CEACAM5: variants seen among roughly 807,000 people sequenced by gnomAD.
The protein encoded by CEACAM5 is cell adhesion molecule CEACAM5.
CEACAM5 carries 52 observed loss-of-function variants against 63.0 expected under a neutral mutation model. The observed-to-expected ratio is 0.83, with a 90% CI of 0.66 to 1.04. The LOEUF (loss-of-function observed/expected upper bound fraction) is 1.04. CEACAM5 is among the 50% of genes least tolerant of loss of function. The probability of loss-of-function intolerance (pLI) is 0.00; values close to 1 mark genes in which losing one functional copy is unlikely to be tolerated. For missense variants in CEACAM5, 790 were observed against 864.8 expected, an observed-to-expected ratio of 0.91 and a Z score of 1.08; for synonymous variants, 357 against 351.3, an observed-to-expected ratio of 1.02 and a Z score of -0.18.
intron 2 of CEACAM5, among the ~76,000 whole-genome samples, chr19:41,711,101 G>T (rs1181727075): frequency 6.6e-6 from 1 of 152,150 alleles, no homozygotes; most frequent in East Asian, 1.9e-4. Flanking sequence ...CCAGTCATGG[G>T]CTTGCGTTCT....
intron 2 of CEACAM5, among the ~76,000 whole-genome samples, chr19:41,711,128 A>G (rs534356784): frequency 5.1e-4 from 77 of 152,214 alleles, no homozygotes; most frequent in African/African-American, 1.8e-3. Flanking sequence ...TTGGGCATCC[A>G]CAGCTCAGAA....
chr19:41,720,653 C>T (rs1555816005), intron 7 of CEACAM5, among the ~76,000 whole-genome samples: 3 of 152,024 alleles, frequency 2.0e-5, no homozygotes, highest in African/African-American at 4.8e-5. Flanking sequence ...ATTACACACA[C>T]GTGCCGCCAT....
At chr19:41,716,600 T>C (rs1429071578) in intron 4 of CEACAM5, among the ~76,000 whole-genome samples, 9 of 152,124 alleles carry the variant, frequency 5.9e-5, no homozygotes, top group Non-Finnish European at 1.2e-4. Flanking sequence ...TGTCACCAGC[T>C]ATATGAGGCT....
At position 41,717,182 on chromosome 19, in the gene CEACAM5, G is replaced by A. The variant is rs140842559; in HGVS notation, c.959-273G>A. ...GAAAGGACCAGAAGTGCTGGGGGCT[G>A]TGACCCCCAGCCCTGTGTCTGTCCA... On this transcript the variant is annotated intron_variant, in intron 4 of 9. Coordinates refer to ENST00000221992, the MANE Select transcript of CEACAM5 (RefSeq NM_004363.6). Among the ~76,000 whole-genome samples, 397 of 152,344 alleles carry A rather than the reference G, an allele frequency of 2.6e-3. 2 individuals are homozygous for A. The highest frequency in any genetic ancestry group is 9.2e-3 in the African/African-American group (381 of 41,578).
At chr19:41,711,871 T>A (rs993665718) in intron 2 of CEACAM5, among the ~76,000 whole-genome samples, 5 of 152,150 alleles carry the variant, frequency 3.3e-5, no homozygotes, top group Non-Finnish European at 5.9e-5. Context: ...CACTGTGTCC[T>A]GGCCCACTTC....
intron 2 of CEACAM5, among the ~76,000 whole-genome samples, chr19:41,714,252 C>T (rs1177406228): frequency 1.3e-5 from 2 of 152,164 alleles, no homozygotes; most frequent in African/African-American, 4.8e-5. Context: ...ACATATGGTT[C>T]TGCTGTTAAA....
At chr19:41,713,027 C>T (rs1448262593) in intron 2 of CEACAM5, among the ~76,000 whole-genome samples, 1 of 152,208 alleles carries the variant, frequency 6.6e-6, no homozygotes, top group Non-Finnish European at 1.5e-5. Context: ...TCACTGAAGG[C>T]CGGGCACGGT....
intron 3 of CEACAM5, 158 bp downstream of exon 3, chr19:41,715,407 C>A: frequency 1.6e-6 from 2 of 1,264,306 alleles, no homozygotes; most frequent in East Asian, 2.4e-5. Context: ...CCTGGGCAGA[C>A]CAAGTCTTGA....
chr19:41,715,349 C>T (rs1555814774), intron 3 of CEACAM5, 100 bp downstream of exon 3: 2 of 1,521,572 alleles, frequency 1.3e-6, no homozygotes, highest in Admixed American at 1.7e-5. Context: ...TACACAGACC[C>T]TCAACCCTGG....
In CEACAM5 at chr19:41,718,107, G is replaced by C. The variant is rs2072556901; in HGVS notation, c.1238-21G>C. On this transcript the variant is annotated intron_variant, in intron 5 of 9. Transcript: ENST00000221992. Reference sequence around the variant, plus strand: ...TTTGCTCTGATGACATTCACCTGTGGCCCTATTCTCTTTGCTCCAGATGGC... The same window carrying C: ...TTTGCTCTGATGACATTCACCTGTGCCCCTATTCTCTTTGCTCCAGATGGC... 3.1e-6 allele frequency: 5 copies of C among 1,613,548 alleles called. No individual in the cohort carries two copies. In the East Asian group the frequency reaches 1.1e-4, roughly 36 times the overall value.
intron 1 of CEACAM5, among the ~76,000 whole-genome samples, chr19:41,709,342 G>C (rs572175711): frequency 1.3e-5 from 2 of 152,300 alleles, no homozygotes; most frequent in South Asian, 4.1e-4. Context: ...GGAAAGGTCA[G>C]AAAAGGAAGA....
intron 8 of CEACAM5, among the ~76,000 whole-genome samples, chr19:41,722,313 G>A (rs2072634465): frequency 1.4e-5 from 2 of 142,460 alleles, no homozygotes; most frequent in East Asian, 2.1e-4. Context: ...GCAGTGAGCC[G>A]AGATTGAGCC....
Position 41,730,157 on chromosome 19 carries a change from A to T in CEACAM5, c.*1010A>T, listed in dbSNP as rs2072751099. 6.6e-6 allele frequency among the ~76,000 whole-genome samples: 1 copy of T among 152,170 alleles called. No homozygotes were observed. Among genetic ancestry groups the T allele is most frequent in the Non-Finnish European group, 1.5e-5 (1 of 68,026 alleles). On this transcript the variant is annotated 3_prime_UTR_variant, in exon 10 of 10. Coordinates refer to ENST00000221992, the MANE Select transcript of CEACAM5 (RefSeq NM_004363.6). ...CTGTGTGGGCCGGGCGCGGTGGCTC[A>T]CGCCTGTAATCCCAGCACTTTGATC...
At chr19:41,725,248 T>C (rs1419117890) in intron 8 of CEACAM5, among the ~76,000 whole-genome samples, 5 of 152,216 alleles carry the variant, frequency 3.3e-5, no homozygotes, top group African/African-American at 1.2e-4. Context: ...AATTTGTCCA[T>C]TTCATCTAGG....
chr19:41,712,106 G>A (rs1360143328), intron 2 of CEACAM5, among the ~76,000 whole-genome samples: 1 of 152,206 alleles, frequency 6.6e-6, no homozygotes, highest in Non-Finnish European at 1.5e-5. Context: ...TCACCAGGGG[G>A]TCAGAGGCAG....
chr19:41,713,954 C>T, intron 2 of CEACAM5, among the ~76,000 whole-genome samples: 1 of 152,188 alleles, frequency 6.6e-6, no homozygotes, highest in East Asian at 1.9e-4. Context: ...GTGGCTCATG[C>T]TTGTAATCCC....
At chr19:41,726,663 G>A (rs1353076227) in intron 8 of CEACAM5, among the ~76,000 whole-genome samples, 2 of 152,160 alleles carry the variant, frequency 1.3e-5, no homozygotes, top group African/African-American at 4.8e-5. Flanking sequence ...GGAGAAAGAG[G>A]AGAGAGTTTT....
Position 41,721,166 on chromosome 19 carries a change from C to T in CEACAM5, c.2016C>T (p.Ile672=). 2 of 1,614,196 alleles carry T rather than the reference C, an allele frequency of 1.2e-6. No individual in the cohort carries two copies. Among genetic ancestry groups the T allele is most frequent in the Non-Finnish European group, 1.7e-6 (2 of 1,180,020 alleles). Residue 672 remains isoleucine (I), a synonymous_variant, in exon 8 of 10, where the codon ATC becomes ATT. Coordinates refer to ENST00000221992, the MANE Select transcript of CEACAM5 (RefSeq NM_004363.6). ...GCAATAATTCCATAGTCAAGAGCAT[C>T]ACAGTCTCTGGTAAGTGGCTCCCTG... ...TGRNNSIVKS[I]TVSASGTSPG...
intron 8 of CEACAM5, among the ~76,000 whole-genome samples, chr19:41,722,886 C>CTTTT (rs1168806853): frequency 2.0e-5 from 3 of 151,022 alleles, no homozygotes; most frequent in Admixed American, 6.6e-5. Context: ...AATGTTAATT[C>CTTTT]TTTTTTTTGT....
Sources: gnomAD v4.1 joint callset for allele counts (sites outside exome capture counted in the v4.1 genomes callset) on GRCh38, gnomAD v4.1.1 for gene constraint, MANE v1.5 for transcripts, NCBI Gene and HGNC (gene_info 2026-07-23, HGNC 2026-07-21) for gene names.